BRCA1: variants seen among roughly 807,000 people sequenced by gnomAD.
BRCA1 encodes the protein breast cancer type 1 susceptibility protein.
BRCA1 carries 140 observed loss-of-function variants against 173.7 expected under a neutral mutation model. The ratio of observed to expected loss-of-function variants is 0.81; its 90% CI spans 0.70 to 0.93. BRCA1 has a LOEUF of 0.93. BRCA1 is among the 40% of genes least tolerant of loss of function. The pLI is 0.00. For synonymous variants in BRCA1, 662 were observed against 756.0 expected, an observed-to-expected ratio of 0.88 and a Z score of 2.04; for missense variants, 1,983 against 2,172.5, an observed-to-expected ratio of 0.91 and a Z score of 1.73.
Position 43,093,189 on chromosome 17 carries a change from T to A in BRCA1, c.2342A>T (p.Glu781Val), listed in dbSNP as rs587776482. The change falls in exon 10 of 23, where the codon GAA (glutamate) becomes GTA (valine). Residue 781 changes from glutamate to valine, a missense_variant. Transcript: ENST00000357654. ...GCTAACTTCCAGTAACGAGATACTT[T>A]CCTGAGTGCCATAATCAGTACCAGG... ...LVPGTDYGTQ[E>V]SISLLEVSTL... The A allele has an allele frequency of 6.2e-7, 1 of 1,613,960 alleles. No individual in the cohort carries two copies. The highest frequency in any genetic ancestry group is 1.1e-5 in the South Asian group (1 of 91,048).
At chr17:43,087,074 A>C (rs572246707) in intron 11 of BRCA1, among the ~76,000 whole-genome samples, 2 of 152,310 alleles carry the variant, frequency 1.3e-5, no homozygotes, top group South Asian at 4.1e-4. Flanking sequence ...GGAAAATGGG[A>C]ACTATCATAT....
chr17:43,097,715 T>C (rs2054199745), intron 7 of BRCA1, among the ~76,000 whole-genome samples: 1 of 152,248 alleles, frequency 6.6e-6, no homozygotes, highest in Admixed American at 6.5e-5. Flanking sequence ...TCTCTGTGCC[T>C]TAATTTTCTC....
intron 19 of BRCA1, among the ~76,000 whole-genome samples, chr17:43,053,703 C>T (rs1432104720): frequency 2.0e-5 from 3 of 151,786 alleles, no homozygotes; most frequent in Non-Finnish European, 4.4e-5. Context: ...AGGCCGGGCG[C>T]GGTGGCCTGT....
intron 19 of BRCA1, among the ~76,000 whole-genome samples, chr17:43,056,715 G>GAA (rs1249618467): frequency 6.6e-6 from 1 of 151,932 alleles, no homozygotes; most frequent in Non-Finnish European, 1.5e-5. Flanking sequence ...GAGAGAGAGA[G>GAA]AAAGACACCC....
At chr17:43,116,559 C>A (rs1361802663) in intron 2 of BRCA1, among the ~76,000 whole-genome samples, 1 of 152,164 alleles carries the variant, frequency 6.6e-6, no homozygotes, top group Non-Finnish European at 1.5e-5. Context: ...GCTTTTGTAG[C>A]CCAGACTGGC....
At chr17:43,131,144 C>T in intron 1 of BRCA1, 1 of 202,592 alleles carries the variant, frequency 4.9e-6, no homozygotes, top group East Asian at 1.2e-4. Flanking sequence ...TGAAATATGC[C>T]CAACTCATCC....
chr17:43,162,466 G>A (rs1137395), intron 1 of BRCA1: 1 of 152,088 alleles, frequency 6.6e-6, no homozygotes, highest in Non-Finnish European at 1.5e-5. Context: ...TTTAAAAACC[G>A]TGGTCATGGG....
At chr17:43,135,912 C>G (rs1375398633) in intron 1 of BRCA1, among the ~76,000 whole-genome samples, 3 of 152,238 alleles carry the variant, frequency 2.0e-5, no homozygotes, top group Non-Finnish European at 2.9e-5. Context: ...ACACCCTCAG[C>G]ACCCTGCTCA....
chr17:43,057,169 G>A lies in BRCA1; in HGVS notation c.5194-34C>T, dbSNP rs760208409. ...AACCAAACACAACCCATCAGGATAA[G>A]AGAAAGAGAAGCTTCCTTCAATGGA... On this transcript the variant is annotated intron_variant, in intron 18 of 22. Coordinates refer to ENST00000357654, the MANE Select transcript of BRCA1 (RefSeq NM_007294.4). 10 of 1,600,986 alleles carry A rather than the reference G, an allele frequency of 6.2e-6. No homozygotes were observed. The highest frequency in any genetic ancestry group is 4.0e-5 in the African/African-American group (3 of 74,614).
intron 1 of BRCA1, among the ~76,000 whole-genome samples, chr17:43,147,599 C>T (rs1362803710): frequency 6.6e-6 from 1 of 152,140 alleles, no homozygotes; most frequent in African/African-American, 2.4e-5. Flanking sequence ...TAAGCCATCC[C>T]GCCTGGCCTT....
chr17:43,083,368 C>A (rs2053103987), intron 11 of BRCA1, among the ~76,000 whole-genome samples: 1 of 152,094 alleles, frequency 6.6e-6, no homozygotes, highest in Non-Finnish European at 1.5e-5. Flanking sequence ...GTTGGCCAGG[C>A]TGGTCTTGAA....
rs960628962 is a variant in BRCA1 at position 43,079,454 on chromosome 17, A to G, written c.4358-2840T>C. ...AGGGAACGGGTACTGTTCAAAAAGG[A>G]ATGCCCCACAAGTGTTACCATGGCA... On this transcript the variant is annotated intron_variant, in intron 12 of 22. Coordinates refer to ENST00000357654, the MANE Select transcript of BRCA1 (RefSeq NM_007294.4). The G allele has an allele frequency of 4.1e-6, 6 of 1,466,630 alleles. No homozygotes were observed. In the Admixed American group the frequency reaches 5.0e-5, roughly 12 times the overall value. 90.9% of individuals were successfully genotyped at this position (1,466,630 alleles called of 1,614,324 possible).
At chr17:43,106,845 C>T (rs1396800042) in intron 3 of BRCA1, among the ~76,000 whole-genome samples, 2 of 152,130 alleles carry the variant, frequency 1.3e-5, no homozygotes, top group East Asian at 3.8e-4. Flanking sequence ...TTATTTCATG[C>T]TGCATAATCA....
chr17:43,052,307 GTCTCATTCTGTCA>G (rs2051275588), intron 19 of BRCA1, among the ~76,000 whole-genome samples: 1 of 151,942 alleles, frequency 6.6e-6, no homozygotes, highest in Admixed American at 6.6e-5. Context: ...AAGAGATGAG[GTCTCATTCTGTCA>G]CTCAGGCTGG....
chr17:43,121,704 A>AAAAAAAAAAAAAT (rs2055585563), intron 2 of BRCA1, among the ~76,000 whole-genome samples: 1 of 151,386 alleles, frequency 6.6e-6, no homozygotes, highest in Non-Finnish European at 1.5e-5. Context: ...AAAAAAAAAA[A>AAAAAAAAAAAAAT]AAAAGAAATT....
Position 43,094,599 on chromosome 17 carries a change from G to A in BRCA1, c.932C>T (p.Pro311Leu), listed in dbSNP as rs1301795658. Residue 311 changes from proline (P) to leucine (L), a missense_variant, in exon 10 of 23, where the codon CCT becomes CTT. Pro to Leu is a moderately conservative substitution (Grantham distance 98). Coordinates refer to ENST00000357654, the MANE Select transcript of BRCA1 (RefSeq NM_007294.4). ...GTTATGTTGGCTCCTTGCTAAGCCAGGCTGTTTGCTTTTATTACAGAATTC... is the reference window on the plus strand; with the variant it reads ...GTTATGTTGGCTCCTTGCTAAGCCAAGCTGTTTGCTTTTATTACAGAATTC... ...KAEFCNKSKQPGLARSQHNRW... is the reference protein window; with the variant it reads ...KAEFCNKSKQLGLARSQHNRW... 1.9e-6 allele frequency: 3 copies of A among 1,614,098 alleles called. No homozygotes were observed. The highest frequency in any genetic ancestry group is 3.3e-5 in the Admixed American group (2 of 60,008).
intron 1 of BRCA1, among the ~76,000 whole-genome samples, chr17:43,146,798 C>G (rs563575598): frequency 9.9e-5 from 15 of 152,276 alleles, no homozygotes; most frequent in African/African-American, 3.4e-4. Context: ...TCTCAGCAGC[C>G]GACTCTCCTG....
At chr17:43,063,078 CG>C (rs2051836594) in intron 18 of BRCA1, among the ~76,000 whole-genome samples, 1 of 151,890 alleles carries the variant, frequency 6.6e-6, no homozygotes, top group Admixed American at 6.6e-5. Flanking sequence ...TTAGTAGAAA[CG>C]GGGTTTCTCC....
chr17:43,145,554 C>T (rs1429162325), intron 1 of BRCA1, among the ~76,000 whole-genome samples: 1 of 152,132 alleles, frequency 6.6e-6, no homozygotes, highest in African/African-American at 2.4e-5. Context: ...TCTCGATCTC[C>T]TGACCTCGTG....
Sources: gnomAD v4.1 joint callset for allele counts (sites outside exome capture counted in the v4.1 genomes callset) on GRCh38, gnomAD v4.1.1 for gene constraint, MANE v1.5 for transcripts, NCBI Gene and HGNC (gene_info 2026-07-23, HGNC 2026-07-21) for gene names.